The following LHFPL3 variants were observed in gnomAD, a reference collection of about 807,000 sequenced individuals.
LHFPL3 encodes LHFPL tetraspan subfamily member 3 protein.
LHFPL3 carries 5 observed loss-of-function variants against 19.3 expected under a neutral mutation model. The observed-to-expected ratio is 0.26, with a 90% CI of 0.14 to 0.54. The LOEUF is 0.54. Among genes scored for constraint, LHFPL3 ranks in the 20% least tolerant of loss-of-function variants. The pLI is 0.94. For missense variants in LHFPL3, 249 were observed against 307.4 expected, an observed-to-expected ratio of 0.81 and a Z score of 1.42; for synonymous variants, 133 against 126.2, an observed-to-expected ratio of 1.05 and a Z score of -0.36.
chr7:104,545,134 A>G (rs1477459682), intron 1 of LHFPL3, among the ~76,000 whole-genome samples: 1 of 152,214 alleles, frequency 6.6e-6, no homozygotes, highest in African/African-American at 2.4e-5. Context: ...CCAACTGACT[A>G]ACAAGAAAAT....
intron 2 of LHFPL3, among the ~76,000 whole-genome samples, chr7:104,881,469 G>C (rs750824161): frequency 6.6e-6 from 1 of 152,168 alleles, no homozygotes; most frequent in Non-Finnish European, 1.5e-5. Flanking sequence ...AGATGTGGTG[G>C]AAATAGCAAG....
intron 2 of LHFPL3, among the ~76,000 whole-genome samples, chr7:104,764,236 T>A (rs777068863): frequency 7.9e-5 from 12 of 151,962 alleles, no homozygotes; most frequent in Non-Finnish European, 1.5e-4. Flanking sequence ...TGGTGTGATC[T>A]CGGTTCACTG....
chr7:104,750,878 A>G (rs1006179068), intron 2 of LHFPL3, among the ~76,000 whole-genome samples: 9 of 151,930 alleles, frequency 5.9e-5, no homozygotes, highest in African/African-American at 1.9e-4. Flanking sequence ...GCCCATTTTT[A>G]TCAAATTTAG....
intron 1 of LHFPL3, among the ~76,000 whole-genome samples, chr7:104,565,931 C>T (rs1790115550): frequency 6.6e-6 from 1 of 152,084 alleles, no homozygotes; most frequent in South Asian, 2.1e-4. Flanking sequence ...AGCCAACAAG[C>T]ATAATGCACT....
chr7:104,519,568 A>C lies in LHFPL3; in HGVS notation c.445+190344A>C, dbSNP rs111832917. On this transcript the variant is annotated intron_variant, in intron 1 of 2. Transcript: ENST00000424859. ...AACTGGCACCTTTAAAAAGAAGCTG[A>C]TCATTTGCATTTGGTGGTTTGTTTG... Among the ~76,000 whole-genome samples the C allele has an allele frequency of 2.4e-3, 358 of 152,286 alleles. 2 individuals carry two copies. Among genetic ancestry groups the C allele is most frequent in the African/African-American group, 8.3e-3 (343 of 41,562 alleles).
intron 1 of LHFPL3, among the ~76,000 whole-genome samples, chr7:104,703,337 TTATC>T (rs1474404931): frequency 2.6e-5 from 4 of 152,330 alleles, no homozygotes; most frequent in Non-Finnish European, 5.9e-5. Context: ...TTAGAGTACT[TTATC>T]TAACAAATTT....
chr7:104,363,672 A>G (rs1790433819), intron 1 of LHFPL3, among the ~76,000 whole-genome samples: 1 of 152,210 alleles, frequency 6.6e-6, no homozygotes, highest in Admixed American at 6.5e-5. Context: ...CGCCTCCTTC[A>G]AATTTGTACC....
chr7:104,459,124 A>G (rs547724594), intron 1 of LHFPL3, among the ~76,000 whole-genome samples: 7 of 152,242 alleles, frequency 4.6e-5, no homozygotes, highest in South Asian at 2.1e-4. Flanking sequence ...TGCAGTTACT[A>G]ATCTTTGAGT....
intron 1 of LHFPL3, among the ~76,000 whole-genome samples, chr7:104,734,625 C>G (rs1293956843): frequency 6.6e-6 from 1 of 152,096 alleles, no homozygotes; most frequent in Non-Finnish European, 1.5e-5. Context: ...TTCGTCTAAT[C>G]TTTTTTCAAG....
intron 1 of LHFPL3, among the ~76,000 whole-genome samples, chr7:104,443,353 C>T (rs1190937260): frequency 1.3e-5 from 2 of 152,170 alleles, no homozygotes; most frequent in African/African-American, 4.8e-5. Context: ...GAATCCATGA[C>T]CATTATCTCC....
At position 104,328,989 on chromosome 7, in the gene LHFPL3, C is replaced by T. The variant is rs761556527; in HGVS notation, c.210C>T (p.Ala70=). The T allele has an allele frequency of 1.2e-6, 2 of 1,614,164 alleles. No homozygotes were observed. Among genetic ancestry groups the T allele is most frequent in the Non-Finnish European group, 8.5e-7 (1 of 1,180,004 alleles). Residue 70 remains alanine, a synonymous_variant, in exon 1 of 3, where the codon GCC becomes GCT. Coordinates refer to ENST00000424859, the MANE Select transcript of LHFPL3 (RefSeq NM_199000.3). This position sits in a 1 kb window ranked among gnomAD's most constrained non-coding sequence, Gnocchi z 4.6. ...GCGACGGCGTGGACACCCCGCAAGC[C>T]GGCTATTTCGGGCTCTTCCACTACT... ...WIGDGVDTPQ[A]GYFGLFHYCI... is the part of the protein sequence containing the mutation.
At chr7:104,425,008 AG>A (rs1791814667) in intron 1 of LHFPL3, among the ~76,000 whole-genome samples, 1 of 149,200 alleles carries the variant, frequency 6.7e-6, no homozygotes, top group Non-Finnish European at 1.5e-5. Flanking sequence ...AAAAAAAAGA[AG>A]TATCTGACTC....
intron 2 of LHFPL3, among the ~76,000 whole-genome samples, chr7:104,762,452 G>A (rs1727819773): frequency 6.6e-6 from 1 of 152,154 alleles, no homozygotes; most frequent in Non-Finnish European, 1.5e-5. Flanking sequence ...CAAATATCTG[G>A]CCATAGAACT....
intron 1 of LHFPL3, among the ~76,000 whole-genome samples, chr7:104,476,953 A>G (rs886730199): frequency 2.0e-5 from 3 of 151,918 alleles, no homozygotes; most frequent in African/African-American, 7.2e-5. Flanking sequence ...TGAACATCTC[A>G]TTGTGATGCC....
intron 2 of LHFPL3, among the ~76,000 whole-genome samples, chr7:104,740,331 C>T (rs1237371686): frequency 6.6e-6 from 1 of 152,182 alleles, no homozygotes; most frequent in Non-Finnish European, 1.5e-5. Flanking sequence ...ACAACAAGAG[C>T]ATTATAGTGA....
intron 1 of LHFPL3, among the ~76,000 whole-genome samples, chr7:104,685,716 G>A (rs1211233447): frequency 3.3e-5 from 5 of 152,314 alleles, no homozygotes; most frequent in East Asian, 3.9e-4. Context: ...CTAAGATTCC[G>A]TTCATTCAAC....
Position 104,484,417 on chromosome 7 carries a change from A to G in LHFPL3, c.445+155193A>G, listed in dbSNP as rs148089368. Among the ~76,000 whole-genome samples, 36 of 152,186 alleles carry G rather than the reference A, an allele frequency of 2.4e-4. No homozygotes were observed. The East Asian group carries it at 6.2e-3, about 26-fold the overall frequency. On this transcript the variant is annotated intron_variant, in intron 1 of 2. Coordinates refer to ENST00000424859, the MANE Select transcript of LHFPL3 (RefSeq NM_199000.3). ...CCATTGCTGGGCCAAAGTGCTGAGG[A>G]TGGAGCATGTTAGTGAGGGGGCCCG...
rs570769947 is a variant in LHFPL3 at position 104,808,740 on chromosome 7, G to A, written c.682+71829G>A. ...AATGTTTATTAGATACTCTAAGGCC[G>A]GTGAGTCTAACAGGTAAATAACAAA... On this transcript the variant is annotated intron_variant, in intron 2 of 2. Transcript: ENST00000424859. Among the ~76,000 whole-genome samples the A allele has an allele frequency of 3.9e-5, 6 of 152,128 alleles. No individual in the cohort carries two copies. In the East Asian group the frequency reaches 7.7e-4, roughly 20 times the overall value.
intron 2 of LHFPL3, among the ~76,000 whole-genome samples, chr7:104,766,429 T>A (rs964957096): frequency 6.6e-6 from 1 of 152,196 alleles, no homozygotes; most frequent in South Asian, 2.1e-4. Flanking sequence ...ATGCTGATTT[T>A]CTCCACCTTG....
Sources: allele counts gnomAD v4.1 joint callset (sites outside exome capture counted in the v4.1 genomes callset), GRCh38; gene constraint gnomAD v4.1.1; non-coding constraint Gnocchi (gnomAD v3.1); transcripts MANE v1.5; gene names NCBI Gene and HGNC (gene_info 2026-07-23, HGNC 2026-07-21).